Variants in CSMD2 observed in about 807,000 individuals in gnomAD.
CSMD2 encodes the protein CUB and Sushi multiple domains 2.
Under a neutral mutation model 398.5 loss-of-function variants are expected in CSMD2, and 130 were observed. The observed-to-expected ratio is 0.33, with a 90% CI of 0.28 to 0.38. The LOEUF is 0.38. Among genes scored for constraint, CSMD2 ranks in the 10% least tolerant of loss-of-function variants. The pLI is 1.00. For missense variants in CSMD2, 3,829 were observed against 4,764.9 expected (o/e 0.80, Z 5.78); for synonymous variants, 1,828 against 1,908.5 (o/e 0.96, Z 1.10).
At chr1:34,057,889 T>C (rs562389759) in intron 2 of CSMD2, among the ~76,000 whole-genome samples, 1 of 152,152 alleles carries the variant, frequency 6.6e-6, no homozygotes, top group Non-Finnish European at 1.5e-5. Flanking sequence ...GCACCACACA[T>C]CTGAGCACTG....
chr1:33,520,871 C>T (rs755560690), intron 68 of CSMD2, among the ~76,000 whole-genome samples: 3 of 152,206 alleles, frequency 2.0e-5, no homozygotes, highest in Non-Finnish European at 2.9e-5. Context: ...CAGACCCCTC[C>T]CCCCACCAGA....
rs1387568509 is a variant in CSMD2 at position 33,600,094 on chromosome 1, C to A, written c.6856+771G>T. 9 of 687,770 alleles carry A rather than the reference C, an allele frequency of 1.3e-5. No homozygotes were observed. The East Asian group carries it at 2.2e-4, about 17-fold the overall frequency. 42.6% of individuals were successfully genotyped at this position (687,770 alleles called of 1,614,324 possible). A position where few individuals can be genotyped will look rare whatever the true frequency, so the allele number is the denominator to read the frequency against. On this transcript the variant is annotated intron_variant, in intron 44 of 70. Coordinates refer to ENST00000373381, the MANE Select transcript of CSMD2 (RefSeq NM_001281956.2). ...TACCTCACAGAATTCTTACAGGTCA[C>A]AAACTCCAAGCCGGTAATTCTACAG...
At position 33,935,799 on chromosome 1, in the gene CSMD2, T is replaced by C. The variant is rs1405041673; in HGVS notation, c.673A>G (p.Asn225Asp). 6.2e-7 allele frequency: 1 copy of C among 1,613,486 alleles called. No individual in the cohort carries two copies. Among genetic ancestry groups the C allele is most frequent in the Non-Finnish European group, 8.5e-7 (1 of 1,179,634 alleles). ...AVLTCHAGSE[N>D]SATWDFPLPS... ...AGGGGGAAGTCCCACGTGGCGCTGT[T>C]CTCAGAGCCAGCGTGGCAGGTGAGC... Residue 225 changes from asparagine to aspartate, a missense_variant, in exon 4 of 71, where the codon AAC becomes GAC. Asn to Asp is a conservative substitution (Grantham distance 23). Around this residue, in one of 5 missense-constraint regions of CSMD2, gnomAD observed 2,001 missense variants for 2,567.1 expected, o/e 0.78. Coordinates refer to ENST00000373381, the MANE Select transcript of CSMD2 (RefSeq NM_001281956.2).
chr1:33,867,535 G>T lies in CSMD2; in HGVS notation c.921-20539C>A, dbSNP rs542899150. On this transcript the variant is annotated intron_variant, in intron 5 of 70. Coordinates refer to ENST00000373381, the MANE Select transcript of CSMD2 (RefSeq NM_001281956.2). ...AGTGTATTTTGTTTTAAGCCACTAA[G>T]TCTGTGGTAATTTGTTACACAGCAA... 2.0e-5 allele frequency among the ~76,000 whole-genome samples: 3 copies of T among 152,312 alleles called. No individual in the cohort carries two copies. In the South Asian group the frequency reaches 6.2e-4, roughly 32 times the overall value.
intron 21 of CSMD2, among the ~76,000 whole-genome samples, chr1:33,710,769 TG>T (rs377362086): frequency 0.9 from 136,874 of 152,170 alleles, 61,754 homozygotes; most frequent in African/African-American, 0.97. Context: ...CTTCAGAACA[TG>T]GAAACATAAG....
At chr1:33,584,525 C>T (rs1390999404) in intron 46 of CSMD2, among the ~76,000 whole-genome samples, 1 of 152,040 alleles carries the variant, frequency 6.6e-6, no homozygotes, top group Non-Finnish European at 1.5e-5. Flanking sequence ...CAAAAATTAG[C>T]TGGGTGTGGT....
intron 25 of CSMD2, among the ~76,000 whole-genome samples, chr1:33,670,262 C>T (rs1644451514): frequency 6.6e-6 from 1 of 152,136 alleles, no homozygotes; most frequent in African/African-American, 2.4e-5. Flanking sequence ...ACTCTTGTGC[C>T]AGTGTCTCAT....
Position 33,714,650 on chromosome 1 carries a change from C to T in CSMD2, c.3343G>A (p.Ala1115Thr), listed in dbSNP as rs775205306. Residue 1115 changes from alanine to threonine, a missense_variant, in exon 21 of 71, where the codon GCC becomes ACC. By Grantham distance (58) the Ala-to-Thr change is moderately conservative (BLOSUM62 0). Transcript: ENST00000373381. ...CFPGYRLEGTARITCLGGRRR... is the reference protein window; with the variant it reads ...CFPGYRLEGTTRITCLGGRRR... ...CTGCCCCCCAGGCACGTGATGCGGG[C>T]GGTGCCCTCCAGACGGTACCCGGGG... is the stretch of plus-strand genomic sequence containing the variant. 90 of 1,613,806 alleles carry T rather than the reference C, an allele frequency of 5.6e-5. 1 individual carries two copies. The highest frequency in any genetic ancestry group is 1.6e-4 in the Middle Eastern group (1 of 6,084).
At chr1:34,143,869 T>G (rs1276220112) in intron 1 of CSMD2, among the ~76,000 whole-genome samples, 2 of 152,190 alleles carry the variant, frequency 1.3e-5, no homozygotes, top group Non-Finnish European at 2.9e-5. Flanking sequence ...GACATCAGTT[T>G]CTATCAAGGA....
intron 5 of CSMD2, chr1:33,870,415 G>C (rs1640375705): frequency 1.3e-5 from 2 of 152,102 alleles, no homozygotes; most frequent in African/African-American, 4.8e-5. Context: ...AAGGGGATAC[G>C]ACCCTTCAGG....
At position 33,528,420 on chromosome 1, in the gene CSMD2, C is replaced by T. The variant is rs561851756; in HGVS notation, c.10172-1162G>A. On this transcript the variant is annotated intron_variant, in intron 64 of 70. Coordinates refer to ENST00000373381, the MANE Select transcript of CSMD2 (RefSeq NM_001281956.2). ...CCCCACTGTCTGCCTTGGCGGGGAG[C>T]ACAGCTTTAGCAAATCTCCTTCAAC... Among the ~76,000 whole-genome samples the T allele has an allele frequency of 3.3e-5, 5 of 152,356 alleles. No individual in the cohort carries two copies. In the South Asian group the frequency reaches 6.2e-4, roughly 19 times the overall value.
In CSMD2 at chr1:34,164,899, G is replaced by C. The variant is rs912299311; in HGVS notation, c.187+12C>G. The C allele has an allele frequency of 8.2e-7, 1 of 1,219,300 alleles. No individual in the cohort carries two copies. Among genetic ancestry groups the C allele is most frequent in the Non-Finnish European group, 1.0e-6 (1 of 980,088 alleles). 75.5% of individuals were successfully genotyped at this position (1,219,300 alleles called of 1,614,324 possible). A position where few individuals can be genotyped will look rare whatever the true frequency, so the allele number is the denominator to read the frequency against. On this transcript the variant is annotated intron_variant, in intron 1 of 70. Coordinates refer to ENST00000373381, the MANE Select transcript of CSMD2 (RefSeq NM_001281956.2). The surrounding 1 kb of genome is among the most constrained non-coding windows in gnomAD (Gnocchi z 6.2). The stretch of plus-strand genomic sequence containing the variant: ...GCGGCGGCCGCTGGCTCCTCGGCGC[G>C]GCTGGACTCACCCGCGGCGGCCGAG...
At chr1:33,762,678 G>A (rs974238332) in intron 13 of CSMD2, among the ~76,000 whole-genome samples, 7 of 152,190 alleles carry the variant, frequency 4.6e-5, no homozygotes, top group Non-Finnish European at 1.0e-4. Context: ...AAATCTGCCA[G>A]TTGGAATGAA....
Position 33,537,576 on chromosome 1 carries a change from C to A in CSMD2, c.9665G>T (p.Arg3222Leu), listed in dbSNP as rs78637376. The change falls in exon 61 of 71, where the codon CGT becomes CTT. Residue 3222 changes from arginine (R) to leucine (L), a missense_variant. Arg to Leu is a moderately radical substitution (Grantham distance 102). Transcript: ENST00000373381. This position sits in a 1 kb window ranked among gnomAD's most constrained non-coding sequence, Gnocchi z 4.6. ...GAAGCCTCGGTCCTCTCTCCTCCCA[C>A]GGGACGGGACACCAGGATCCCCGCA... ...VFCGDPGVPS[R>L]GRREDRGFSY... 13 of 1,613,880 alleles carry A rather than the reference C, an allele frequency of 8.1e-6. No homozygotes were observed. Among genetic ancestry groups the A allele is most frequent in the African/African-American group, 1.3e-5 (1 of 74,934 alleles).
chr1:33,937,238 A>G (rs1054215262), intron 3 of CSMD2, among the ~76,000 whole-genome samples: 1 of 152,214 alleles, frequency 6.6e-6, no homozygotes, highest in African/African-American at 2.4e-5. Flanking sequence ...ATGGCACACT[A>G]AGAGTTATGA....
chr1:33,585,160 A>C (rs536415069), intron 46 of CSMD2, among the ~76,000 whole-genome samples: 1 of 152,364 alleles, frequency 6.6e-6, no homozygotes, highest in African/African-American at 2.4e-5. Context: ...AAGTATTCTT[A>C]TCACTGCACA....
chr1:33,515,453 A>AG lies in CSMD2; in HGVS notation c.*1170dup, dbSNP rs1331339424. 3 of 152,266 alleles carry AG rather than the reference A, an allele frequency of 2.0e-5. No homozygotes were observed. Among genetic ancestry groups the AG allele is most frequent in the African/African-American group, 7.2e-5 (3 of 41,446 alleles). The allele number at this position is 152,266 out of a possible 1,614,324, so 9.4% of individuals were successfully genotyped here. Reference sequence around the variant, plus strand: ...TCCTCCCTTCTTAGCTGCCCCTTCTAGAACAGGGTTTCTGGCAGCTGGTGT... The same window carrying AG: ...TCCTCCCTTCTTAGCTGCCCCTTCTAGGAACAGGGTTTCTGGCAGCTGGTGT... On this transcript the variant is annotated 3_prime_UTR_variant, in exon 71 of 71. Transcript: ENST00000373381.
chr1:33,598,370 TC>T (rs1328932136), intron 44 of CSMD2, among the ~76,000 whole-genome samples: 2 of 152,198 alleles, frequency 1.3e-5, no homozygotes, highest in East Asian at 3.9e-4. Flanking sequence ...GCACAGCAGT[TC>T]CTCCTCTCTT....
intron 5 of CSMD2, among the ~76,000 whole-genome samples, chr1:33,891,203 G>GGAA (rs1553245734): frequency 1.4e-5 from 2 of 144,760 alleles, no homozygotes; most frequent in Non-Finnish European, 3.0e-5. Context: ...AAATTTACAA[G>GGAA]AAAAAAAAAA....
Sources: allele counts gnomAD v4.1 joint callset (sites outside exome capture counted in the v4.1 genomes callset), GRCh38; gene constraint gnomAD v4.1.1; regional missense constraint gnomAD v4.1.1; non-coding constraint Gnocchi (gnomAD v3.1); transcripts MANE v1.5; gene names NCBI Gene and HGNC (gene_info 2026-07-23, HGNC 2026-07-21).